Variants in ATXN10 observed in about 807,000 individuals in gnomAD.
ATXN10 encodes the protein ataxin-10.
In ATXN10, 28 loss-of-function variants were observed where a neutral mutation model predicts 52.9. That is an observed-to-expected ratio of 0.53 (90% confidence interval 0.39 to 0.73). The LOEUF (loss-of-function observed/expected upper bound fraction) is 0.73. Among genes scored for constraint, ATXN10 ranks in the 30% least tolerant of loss-of-function variants. The pLI is 0.00. For missense variants in ATXN10, 565 were observed against 577.0 expected, an observed-to-expected ratio of 0.98 and a Z score of 0.21; for synonymous variants, 226 against 221.5, an observed-to-expected ratio of 1.02 and a Z score of -0.18.
intron 9 of ATXN10, among the ~76,000 whole-genome samples, chr22:45,761,283 T>C (rs1209301147): frequency 6.6e-6 from 1 of 152,094 alleles, no homozygotes; most frequent in East Asian, 1.9e-4. Flanking sequence ...ATTGGTGATT[T>C]TGAGCAGAGA....
chr22:45,706,805 A>C (rs1324078727), intron 5 of ATXN10, among the ~76,000 whole-genome samples: 1 of 151,894 alleles, frequency 6.6e-6, no homozygotes, highest in Non-Finnish European at 1.5e-5. Flanking sequence ...TGTCATAGAG[A>C]ATGTTCCATG....
At chr22:45,792,198 TAGA>T (rs1927537783) in intron 9 of ATXN10, among the ~76,000 whole-genome samples, 1 of 152,188 alleles carries the variant, frequency 6.6e-6, no homozygotes, top group South Asian at 2.1e-4. Context: ...CTGAAAGAAT[TAGA>T]AGATTCAATG....
At chr22:45,704,755 T>G (rs1050055552) in intron 5 of ATXN10, among the ~76,000 whole-genome samples, 7 of 152,170 alleles carry the variant, frequency 4.6e-5, no homozygotes, top group Non-Finnish European at 7.3e-5. Context: ...TCCAGTTGGG[T>G]TGCCTTTTCT....
At chr22:45,680,744 G>A (rs1278589820) in intron 1 of ATXN10, among the ~76,000 whole-genome samples, 2 of 151,894 alleles carry the variant, frequency 1.3e-5, no homozygotes, top group African/African-American at 4.8e-5. Context: ...GATTACAGGT[G>A]TGAGCCACTG....
chr22:45,838,231 C>G (rs1276539389), intron 10 of ATXN10, among the ~76,000 whole-genome samples: 1 of 152,208 alleles, frequency 6.6e-6, no homozygotes, highest in East Asian at 1.9e-4. Flanking sequence ...TATCACCTTG[C>G]TGGTACAAGG....
In ATXN10 at chr22:45,732,535, A is replaced by G. The variant is rs760151269; in HGVS notation, c.894+2945A>G. ...TACTTTTGGAAGTTTATTGAGCTAT[A>G]CATTTATGACTTGTGCGTATTAATG... On this transcript the variant is annotated intron_variant, in intron 7 of 11. Transcript: ENST00000252934. The surrounding 1 kb of genome is among the most constrained non-coding windows in gnomAD (Gnocchi z 4.5). 5.3e-5 allele frequency among the ~76,000 whole-genome samples: 8 copies of G among 152,072 alleles called. No homozygotes were observed. The highest frequency in any genetic ancestry group is 1.2e-4 in the Non-Finnish European group (8 of 68,012).
intron 10 of ATXN10, among the ~76,000 whole-genome samples, chr22:45,813,373 TG>T (rs1928350457): frequency 6.7e-6 from 1 of 150,084 alleles, no homozygotes; most frequent in African/African-American, 2.5e-5. Flanking sequence ...GGGGAGGGTG[TG>T]GGGACAGGGA....
intron 9 of ATXN10, among the ~76,000 whole-genome samples, chr22:45,794,986 G>A (rs1010691157): frequency 6.6e-6 from 1 of 152,164 alleles, no homozygotes; most frequent in Non-Finnish European, 1.5e-5. Flanking sequence ...GATTTTTAAT[G>A]TGTATATAGA....
chr22:45,753,966 C>T (rs1377672279), intron 9 of ATXN10, among the ~76,000 whole-genome samples: 2 of 152,218 alleles, frequency 1.3e-5, no homozygotes, highest in African/African-American at 4.8e-5. Flanking sequence ...TGTTTGCAGT[C>T]CTGAAAACTC....
chr22:45,830,324 C>T (rs1928946516), intron 10 of ATXN10, among the ~76,000 whole-genome samples: 1 of 152,070 alleles, frequency 6.6e-6, no homozygotes, highest in African/African-American at 2.4e-5. Flanking sequence ...AAGGCACAGA[C>T]AGCAAAAGGA....
intron 1 of ATXN10, chr22:45,676,619 A>C (rs1922703017): frequency 6.6e-6 from 1 of 151,886 alleles, no homozygotes; most frequent in Non-Finnish European, 1.5e-5. Context: ...AGTTGGAATT[A>C]CAGGCATACG....
chr22:45,782,698 T>G (rs1927191104), intron 9 of ATXN10, among the ~76,000 whole-genome samples: 1 of 152,226 alleles, frequency 6.6e-6, no homozygotes, highest in Non-Finnish European at 1.5e-5. Flanking sequence ...CACATCTGCC[T>G]ACATATATAA....
intron 10 of ATXN10, among the ~76,000 whole-genome samples, chr22:45,817,929 G>A (rs1018960930): frequency 1.3e-5 from 2 of 152,144 alleles, no homozygotes; most frequent in African/African-American, 4.8e-5. Flanking sequence ...AAAGAGTGAG[G>A]GGGACCTGCT....
rs1929369973 is a variant in ATXN10, at chr22:45,842,269, C to A, written c.1238-722C>A. ...GGCTCTTGGTGATTAAATCAAATGC[C>A]CTACTCAGTGATGTGGCGATGCTAT... is the stretch of plus-strand genomic sequence containing the variant. On this transcript the variant is annotated intron_variant, in intron 10 of 11. Coordinates refer to ENST00000252934, the MANE Select transcript of ATXN10 (RefSeq NM_013236.4). The surrounding 1 kb of genome is among the most constrained non-coding windows in gnomAD (Gnocchi z 4.8). Among the ~76,000 whole-genome samples the A allele has an allele frequency of 6.6e-6, 1 of 152,036 alleles. No homozygotes were observed. Among genetic ancestry groups the A allele is most frequent in the Non-Finnish European group, 1.5e-5 (1 of 68,006 alleles).
rs1924527370 is a variant in ATXN10, at chr22:45,718,425, T to C, written c.660T>C (p.Ile220=). The change falls in exon 6 of 12, where the codon ATT becomes ATC. Residue 220 remains isoleucine (I), a synonymous_variant. Transcript: ENST00000252934. The surrounding 1 kb of genome is among the most constrained non-coding windows in gnomAD (Gnocchi z 4.4). The part of the protein sequence containing the change: ...HPESEWPFLI[I]TDLFLKSPEL... ...CTTTTTTCCCTAGGTTCTTGATTATTACAGACCTCTTTCTGAAAAGCCCGG... is the reference window on the plus strand; with the variant it reads ...CTTTTTTCCCTAGGTTCTTGATTATCACAGACCTCTTTCTGAAAAGCCCGG... The C allele has an allele frequency of 4.3e-6, 7 of 1,613,524 alleles. No individual in the cohort carries two copies. The highest frequency in any genetic ancestry group is 2.7e-5 in the African/African-American group (2 of 75,026).
At chr22:45,817,676 G>A (rs553369040) in intron 10 of ATXN10, among the ~76,000 whole-genome samples, 1 of 152,058 alleles carries the variant, frequency 6.6e-6, no homozygotes, top group East Asian at 1.9e-4. Flanking sequence ...CTCAGCTAGT[G>A]TGATTTATCT....
In ATXN10 at chr22:45,708,438, A is replaced by G. The variant is rs1204500746; in HGVS notation, c.647+5591A>G. On this transcript the variant is annotated intron_variant, in intron 5 of 11. Transcript: ENST00000252934. This position sits in a 1 kb window ranked among gnomAD's most constrained non-coding sequence, Gnocchi z 5.3. ...TATTTTGCTACTATGTACCTATGAA[A>G]GTTAAGCAGAGTAAACCAGTCTGAC... Among the ~76,000 whole-genome samples the G allele has an allele frequency of 2.0e-5, 3 of 152,218 alleles. No individual in the cohort carries two copies. Among genetic ancestry groups the G allele is most frequent in the Non-Finnish European group, 4.4e-5 (3 of 68,032 alleles).
At position 45,824,321 on chromosome 22, in the gene ATXN10, C is replaced by A. The variant is rs898575693; in HGVS notation, c.1237+17299C>A. Among the ~76,000 whole-genome samples the A allele has an allele frequency of 6.6e-6, 1 of 152,194 alleles. No individual in the cohort carries two copies. Among genetic ancestry groups the A allele is most frequent in the African/African-American group, 2.4e-5 (1 of 41,446 alleles). On this transcript the variant is annotated intron_variant, in intron 10 of 11. Transcript: ENST00000252934. This position sits in a 1 kb window ranked among gnomAD's most constrained non-coding sequence, Gnocchi z 5.2. ...TAAATATTATTTATTTAAGATAAGTCTTTCATGATCCCAACTCAAATTTAA... is the reference window on the plus strand; with the variant it reads ...TAAATATTATTTATTTAAGATAAGTATTTCATGATCCCAACTCAAATTTAA...
intron 9 of ATXN10, among the ~76,000 whole-genome samples, chr22:45,794,364 A>G (rs1334905609): frequency 6.6e-6 from 1 of 150,968 alleles, no homozygotes; most frequent in Non-Finnish European, 1.5e-5. Context: ...AGATTTTCAC[A>G]TTTTTTTCAT....
Sources: allele counts gnomAD v4.1 joint callset (sites outside exome capture counted in the v4.1 genomes callset), GRCh38; gene constraint gnomAD v4.1.1; non-coding constraint Gnocchi (gnomAD v3.1); transcripts MANE v1.5; gene names NCBI Gene and HGNC (gene_info 2026-07-23, HGNC 2026-07-21).